Variants in KHDRBS2 observed in about 807,000 individuals in gnomAD.
The protein encoded by KHDRBS2 is KH RNA binding domain containing, signal transduction associated 2, also known as KH domain-containing, RNA-binding, signal transduction-associated protein 2.
KHDRBS2 carries 26 observed loss-of-function variants against 44.3 expected under a neutral mutation model. The observed-to-expected ratio is 0.59, with a 90% CI of 0.43 to 0.81. The LOEUF (loss-of-function observed/expected upper bound fraction) is 0.81. KHDRBS2 is among the 40% of genes least tolerant of loss of function. The probability of loss-of-function intolerance (pLI) is 0.00; values close to 1 mark genes in which losing one functional copy is unlikely to be tolerated. For synonymous variants in KHDRBS2, 194 were observed against 151.1 expected (o/e 1.28, Z -2.08); for missense variants, 476 against 433.1 (o/e 1.10, Z -0.88).
the KHDRBS2 span, among the ~76,000 whole-genome samples, chr6:61,657,820 G>A: frequency 6.6e-6 from 1 of 151,822 alleles, no homozygotes; most frequent in African/African-American, 2.4e-5. Flanking sequence ...TCCTTCCCTT[G>A]TCTTTTTCTT....
chr6:62,044,063 T>TA (rs1787136798), intron 3 of KHDRBS2, among the ~76,000 whole-genome samples: 1 of 152,108 alleles, frequency 6.6e-6, no homozygotes, highest in African/African-American at 2.4e-5. Flanking sequence ...AGATATGGAA[T>TA]AAATATTTTT....
intron 5 of KHDRBS2, among the ~76,000 whole-genome samples, chr6:61,896,671 T>C (rs1452279684): frequency 2.0e-5 from 3 of 152,184 alleles, no homozygotes; most frequent in Non-Finnish European, 4.4e-5. Context: ...CAGTATCCTG[T>C]CGTTTATTTG....
chr6:62,145,537 C>CAAATTAAAGT (rs764271252), intron 2 of KHDRBS2, among the ~76,000 whole-genome samples: 11,288 of 151,636 alleles, frequency 0.074, 448 homozygotes, highest in African/African-American at 0.086. Context: ...GCTCTTGGAC[C>CAAATTAAAGT]AATGTGATGT....
intron 6 of KHDRBS2, among the ~76,000 whole-genome samples, chr6:61,794,468 T>C (rs1164770574): frequency 1.3e-5 from 2 of 152,208 alleles, no homozygotes; most frequent in Admixed American, 6.5e-5. Context: ...TTGTACGTTT[T>C]AGTGGTGGAC....
At chr6:61,659,428 G>A in the KHDRBS2 span, among the ~76,000 whole-genome samples, 4 of 151,672 alleles carry the variant, frequency 2.6e-5, no homozygotes, top group African/African-American at 9.7e-5. Flanking sequence ...AACCAATTTA[G>A]GGCTCATAGT....
intron 2 of KHDRBS2, among the ~76,000 whole-genome samples, chr6:62,160,981 T>C (rs576070776): frequency 6.6e-6 from 1 of 152,200 alleles, no homozygotes; most frequent in African/African-American, 2.4e-5. Context: ...TCTCCACTCA[T>C]CCCGCTGCCA....
intron 2 of KHDRBS2, among the ~76,000 whole-genome samples, chr6:62,141,926 G>A (rs1371536150): frequency 6.6e-6 from 1 of 151,976 alleles, no homozygotes; most frequent in Non-Finnish European, 1.5e-5. Flanking sequence ...CCTTTCCTAA[G>A]CTTTATCAAA....
chr6:62,111,123 C>G (rs974441156), intron 2 of KHDRBS2, among the ~76,000 whole-genome samples: 2 of 152,084 alleles, frequency 1.3e-5, no homozygotes, highest in African/African-American at 2.4e-5. Context: ...GTATTTTTCA[C>G]ACTATATGCT....
chr6:62,072,707 G>T (rs1265594029), intron 2 of KHDRBS2, among the ~76,000 whole-genome samples: 2 of 152,132 alleles, frequency 1.3e-5, no homozygotes, highest in Non-Finnish European at 2.9e-5. Context: ...GATCATGGTG[G>T]ATAAGCTTTT....
chr6:61,823,541 A>G (rs1425297573), intron 6 of KHDRBS2, among the ~76,000 whole-genome samples: 1 of 152,052 alleles, frequency 6.6e-6, no homozygotes, highest in Non-Finnish European at 1.5e-5. Context: ...TTCTTCCAGG[A>G]TATTGTCTTA....
At chr6:61,678,338 A>G (rs1056200596), downstream of KHDRBS2, among the ~76,000 whole-genome samples, 1 of 151,968 alleles carries the variant, frequency 6.6e-6, no homozygotes, top group African/African-American at 2.4e-5. Flanking sequence ...TCAAACAGCG[A>G]TTTTACTCCG....
At chr6:61,755,620 G>A (rs1215029541) in intron 6 of KHDRBS2, among the ~76,000 whole-genome samples, 1 of 151,834 alleles carries the variant, frequency 6.6e-6, no homozygotes, top group Admixed American at 6.6e-5. Flanking sequence ...GACCAGCCTG[G>A]CCAACATGGT....
In KHDRBS2 at chr6:61,781,186, T is replaced by A. The variant is rs1407318; in HGVS notation, c.811-48422A>T. Among the ~76,000 whole-genome samples, 6 of 152,108 alleles carry A rather than the reference T, an allele frequency of 3.9e-5. No homozygotes were observed. In the East Asian group the frequency reaches 1.2e-3, roughly 29 times the overall value. ...ATTCTAGTATCCCTTGCATTTTATC[T>A]CCAAATGCCACAATTATATTAATCA... On this transcript the variant is annotated intron_variant, in intron 6 of 8. Coordinates refer to ENST00000281156, the MANE Select transcript of KHDRBS2 (RefSeq NM_152688.4).
chr6:61,941,498 C>T (rs766228769), intron 4 of KHDRBS2, among the ~76,000 whole-genome samples: 1 of 152,046 alleles, frequency 6.6e-6, no homozygotes, highest in Non-Finnish European at 1.5e-5. Context: ...GCATATACTA[C>T]CCTGCAGCCC....
At chr6:61,569,425 C>A in the KHDRBS2 span, among the ~76,000 whole-genome samples, 10 of 152,212 alleles carry the variant, frequency 6.6e-5, no homozygotes, top group Non-Finnish European at 8.8e-5. Flanking sequence ...CCCCCTATTT[C>A]TGCTGCAGCT....
rs186865222 is a variant in KHDRBS2, at chr6:62,280,004, T to G, written c.91+5854A>C. Among the ~76,000 whole-genome samples the G allele has an allele frequency of 5.0e-3, 757 of 152,276 alleles. 5 individuals are homozygous for G. The highest frequency in any genetic ancestry group is 7.9e-3 in the South Asian group (38 of 4,818). ...AGACAGAGAGGAGCTGTTTCTCTAG[T>G]GAGAGAGACAGGCACAACCTGATCA... On this transcript the variant is annotated intron_variant, in intron 1 of 8. Coordinates refer to ENST00000281156, the MANE Select transcript of KHDRBS2 (RefSeq NM_152688.4).
At chr6:61,571,586 T>A in the KHDRBS2 span, among the ~76,000 whole-genome samples, 7 of 152,078 alleles carry the variant, frequency 4.6e-5, no homozygotes, top group Non-Finnish European at 8.8e-5. Context: ...TACAGAACAC[T>A]TGACCCTACA....
At chr6:61,939,348 T>G (rs1811679326) in intron 4 of KHDRBS2, among the ~76,000 whole-genome samples, 2 of 152,216 alleles carry the variant, frequency 1.3e-5, no homozygotes, top group African/African-American at 2.4e-5. Context: ...ACATCACAAT[T>G]TCTTACTCTT....
chr6:61,581,491 A>G, the KHDRBS2 span, among the ~76,000 whole-genome samples: 2 of 149,964 alleles, frequency 1.3e-5, no homozygotes, highest in African/African-American at 4.9e-5. Flanking sequence ...AGTAGTGAAG[A>G]CATAAAACTT....
Sources: allele counts gnomAD v4.1 joint callset (sites outside exome capture counted in the v4.1 genomes callset), GRCh38; gene constraint gnomAD v4.1.1; transcripts MANE v1.5; gene names NCBI Gene and HGNC (gene_info 2026-07-23, HGNC 2026-07-21).